The following CPM variants were observed in gnomAD, a reference collection of about 807,000 sequenced individuals.
CPM encodes the protein renal carboxypeptidase.
In CPM, 35 loss-of-function variants were observed where a neutral mutation model predicts 46.4. The observed-to-expected ratio is 0.75, with a 90% CI of 0.58 to 1.00. The LOEUF is 1.00. Among genes scored for constraint, CPM ranks in the 50% least tolerant of loss-of-function variants. The pLI is 0.00. For missense variants in CPM, 422 were observed against 530.4 expected (o/e 0.80, Z 2.01); for synonymous variants, 195 against 195.3 (o/e 1.00, Z 0.01).
intron 5 of CPM, chr12:68,842,830 A>G (rs1188175928): frequency 5.0e-6 from 1 of 201,972 alleles, no homozygotes; most frequent in Non-Finnish European, 1.0e-5. Flanking sequence ...ATTTTGGTTT[A>G]TTAGTGTCTT....
Position 68,932,720 on chromosome 12 carries a change from T to C in CPM, c.118A>G (p.Ser40Gly). The change falls in exon 2 of 9, where the codon AGT becomes GGT. Residue 40 changes from serine to glycine, a missense_variant. By Grantham distance (56) the Ser-to-Gly change is moderately conservative (BLOSUM62 0). Coordinates refer to ENST00000551568, the MANE Select transcript of CPM (RefSeq NM_198320.5). ...AFLKTVAQNY[S>G]SVTHLHSIGK... is the part of the protein sequence containing the mutation. The stretch of plus-strand genomic sequence containing the variant: ...ATACTGTGTAAGTGAGTGACAGAAC[T>C]GTAGTTTTGGGCAACAGTCTTCAAA... 1 of 1,614,168 alleles carries C rather than the reference T, an allele frequency of 6.2e-7. No homozygotes were observed. The highest frequency in any genetic ancestry group is 8.5e-7 in the Non-Finnish European group (1 of 1,180,008).
intron 2 of CPM, among the ~76,000 whole-genome samples, chr12:68,928,262 C>T (rs1179551790): frequency 1.3e-5 from 2 of 152,166 alleles, no homozygotes; most frequent in African/African-American, 4.8e-5. Flanking sequence ...GAAAAACAAG[C>T]AATGGGGAAA....
At chr12:68,920,316 T>C (rs1162503337) in intron 2 of CPM, among the ~76,000 whole-genome samples, 1 of 152,152 alleles carries the variant, frequency 6.6e-6, no homozygotes, top group Non-Finnish European at 1.5e-5. Flanking sequence ...AGTTAAACAA[T>C]GGGAAAACTG....
intron 2 of CPM, among the ~76,000 whole-genome samples, chr12:68,902,579 A>G (rs976871228): frequency 3.3e-5 from 5 of 152,218 alleles, no homozygotes; most frequent in African/African-American, 9.6e-5. Context: ...TGTCATAATC[A>G]TGGAATCAGA....
intron 2 of CPM, among the ~76,000 whole-genome samples, chr12:68,913,588 A>G (rs1012211221): frequency 6.6e-6 from 1 of 152,176 alleles, no homozygotes; most frequent in Non-Finnish European, 1.5e-5. Flanking sequence ...TCACGTGTAC[A>G]TCAACTAGAT....
intron 3 of CPM, among the ~76,000 whole-genome samples, chr12:68,880,457 T>C (rs991328162): frequency 1.3e-5 from 2 of 152,194 alleles, no homozygotes; most frequent in Non-Finnish European, 2.9e-5. Flanking sequence ...CTCCAAGAGC[T>C]TGTTACTCTT....
At chr12:68,950,031 G>T (rs141939837) in intron 1 of CPM, among the ~76,000 whole-genome samples, 1 of 152,150 alleles carries the variant, frequency 6.6e-6, no homozygotes, top group Non-Finnish European at 1.5e-5. Flanking sequence ...GAGGCCAGAG[G>T]ATGCAGTGTG....
downstream of CPM, chr12:68,848,091 T>C (rs1239072318): frequency 1.3e-5 from 2 of 152,230 alleles, no homozygotes; most frequent in African/African-American, 4.8e-5. Context: ...ATTGCGCCAC[T>C]ACACTCTGCT....
Position 68,853,577 on chromosome 12 carries a change from T to C in CPM, c.*2860A>G, listed in dbSNP as rs1884822431. 6.6e-6 allele frequency: 1 copy of C among 152,184 alleles called. No individual in the cohort carries two copies. The highest frequency in any genetic ancestry group is 1.5e-5 in the Non-Finnish European group (1 of 68,038). 9.4% of individuals were successfully genotyped at this position (152,184 alleles called of 1,614,324 possible). A position where few individuals can be genotyped will look rare whatever the true frequency, so the allele number is the denominator to read the frequency against. On this transcript the variant is annotated 3_prime_UTR_variant, in exon 9 of 9. Transcript: ENST00000551568. ...CTCTTCATTCCTTTGTCGTTCTCAC[T>C]CTCCATGCCAGTATGTCTCATTTCT...
chr12:68,916,247 G>C (rs1276050287), intron 2 of CPM, among the ~76,000 whole-genome samples: 2 of 151,940 alleles, frequency 1.3e-5, no homozygotes, highest in Non-Finnish European at 2.9e-5. Context: ...TTTCTGTATA[G>C]GTTGGCATTC....
chr12:68,848,603 G>C (rs774771672), downstream of CPM: 6 of 152,212 alleles, frequency 3.9e-5, no homozygotes, highest in African/African-American at 1.4e-4. Flanking sequence ...TGGCTGAAAA[G>C]CCTTTTTAGA....
intron 7 of CPM, among the ~76,000 whole-genome samples, chr12:68,864,810 G>A (rs986763454): frequency 2.0e-5 from 3 of 152,002 alleles, no homozygotes; most frequent in African/African-American, 7.2e-5. Context: ...CCAGGAGTTT[G>A]GGACTCACCT....
chr12:68,911,327 A>C (rs1887586756), intron 2 of CPM, among the ~76,000 whole-genome samples: 1 of 152,178 alleles, frequency 6.6e-6, no homozygotes, highest in Non-Finnish European at 1.5e-5. Context: ...CAGGTCCCAA[A>C]GTGTGCTGGC....
chr12:68,957,543 T>C (rs1889042090), intron 1 of CPM: 1 of 178,854 alleles, frequency 5.6e-6, no homozygotes. Flanking sequence ...CCAATTTGGA[T>C]TTTCCACACT....
At chr12:68,915,775 T>C (rs951434439) in intron 2 of CPM, among the ~76,000 whole-genome samples, 1 of 152,230 alleles carries the variant, frequency 6.6e-6, no homozygotes, top group Non-Finnish European at 1.5e-5. Context: ...AATGAATACA[T>C]AAATCGCTAA....
chr12:68,869,934 T>G (rs1885617433), intron 5 of CPM, among the ~76,000 whole-genome samples: 1 of 152,216 alleles, frequency 6.6e-6, no homozygotes, highest in Non-Finnish European at 1.5e-5. Context: ...TGTTGTCTCT[T>G]GTCAGAGAAT....
Position 68,863,116 on chromosome 12 carries a change from C to T in CPM, c.940+3780G>A, listed in dbSNP as rs191700533. On this transcript the variant is annotated intron_variant, in intron 7 of 8. Transcript: ENST00000551568. Reference sequence around the variant, plus strand: ...GACTGCTTGTTTGTGCCCATGTCCCCACCGCATGGTCACAGTTGCCTCCTA... The same window carrying T: ...GACTGCTTGTTTGTGCCCATGTCCCTACCGCATGGTCACAGTTGCCTCCTA... Among the ~76,000 whole-genome samples the T allele has an allele frequency of 2.1e-3, 324 of 152,290 alleles. 1 individual carries two copies. Among genetic ancestry groups the T allele is most frequent in the African/African-American group, 7.0e-3 (293 of 41,570 alleles).
At chr12:68,957,407 C>A in intron 1 of CPM, 1 of 266,868 alleles carries the variant, frequency 3.7e-6, no homozygotes, top group Non-Finnish European at 7.7e-6. Context: ...CCTTTAGTAG[C>A]ATCTCCATGA....
intron 1 of CPM, among the ~76,000 whole-genome samples, chr12:68,944,785 C>T (rs1398691404): frequency 1.3e-5 from 2 of 151,826 alleles, no homozygotes; most frequent in African/African-American, 4.8e-5. Flanking sequence ...AGTTACCACT[C>T]AAATCAGTCT....
Sources: allele counts gnomAD v4.1 joint callset (sites outside exome capture counted in the v4.1 genomes callset), GRCh38; gene constraint gnomAD v4.1.1; transcripts MANE v1.5; gene names NCBI Gene and HGNC (gene_info 2026-07-23, HGNC 2026-07-21).